Variants in CARMIL1 observed in about 807,000 individuals in gnomAD.
CARMIL1 encodes the protein capping protein regulator and myosin 1 linker 1.
A neutral mutation model predicts 177.1 loss-of-function variants in CARMIL1; 90 were observed. That is an observed-to-expected ratio of 0.51 (90% CI 0.43 to 0.61). The LOEUF (loss-of-function observed/expected upper bound fraction) is 0.61, where lower values mean the gene tolerates loss of function less well. CARMIL1 is among the 20% of genes least tolerant of loss of function. CARMIL1 has a pLI of 0.00. For synonymous variants in CARMIL1, 577 were observed against 606.2 expected, an observed-to-expected ratio of 0.95 and a Z score of 0.71; for missense variants, 1,380 against 1,667.0, an observed-to-expected ratio of 0.83 and a Z score of 3.00.
At chr6:25,594,329 C>G in intron 31 of CARMIL1, 86 bp from the exon 32 acceptor site, 1 of 818,822 alleles carries the variant, frequency 1.2e-6, no homozygotes, top group Non-Finnish European at 2.0e-6. Flanking sequence ...TCCCATAGCC[C>G]TTAATCACAG....
chr6:25,467,119 A>G (rs572975181), intron 9 of CARMIL1, among the ~76,000 whole-genome samples: 4 of 152,238 alleles, frequency 2.6e-5, no homozygotes, highest in African/African-American at 9.6e-5. Flanking sequence ...GAAATGAACA[A>G]ATATGAGAGT....
intron 2 of CARMIL1, among the ~76,000 whole-genome samples, chr6:25,378,762 G>T (rs1369978349): frequency 6.9e-6 from 1 of 143,966 alleles, no homozygotes; most frequent in Non-Finnish European, 1.5e-5. Context: ...TTTTCCATCT[G>T]CCTCGTAGTA....
At chr6:25,418,229 G>T (rs1034311065) in intron 2 of CARMIL1, among the ~76,000 whole-genome samples, 6 of 152,162 alleles carry the variant, frequency 3.9e-5, no homozygotes, top group Non-Finnish European at 7.3e-5. Context: ...GAAACACCTT[G>T]TGCAAACAGA....
At position 25,388,453 on chromosome 6, in the gene CARMIL1, G is replaced by A. The variant is rs749095133; in HGVS notation, c.139-31661G>A. Among the ~76,000 whole-genome samples, 66 of 151,966 alleles carry A rather than the reference G, an allele frequency of 4.3e-4. No individual in the cohort carries two copies. In the Middle Eastern group the frequency reaches 0.017, roughly 39 times the overall value. On this transcript the variant is annotated intron_variant, in intron 2 of 36. Transcript: ENST00000329474. The stretch of plus-strand genomic sequence containing the variant: ...GCGATCTCAGCTCACTGCAACCTCC[G>A]CCTCCCGGGTTCAAGCAATTCTGCC...
At chr6:25,505,304 G>C (rs1486345836) in intron 17 of CARMIL1, among the ~76,000 whole-genome samples, 1 of 152,166 alleles carries the variant, frequency 6.6e-6, no homozygotes, top group Non-Finnish European at 1.5e-5. Flanking sequence ...TGTCAGTACA[G>C]ATGTTCAGAG....
intron 5 of CARMIL1, among the ~76,000 whole-genome samples, chr6:25,442,609 A>G (rs944736399): frequency 6.9e-4 from 105 of 152,056 alleles, no homozygotes; most frequent in African/African-American, 2.2e-3. Context: ...TTCTGTGCAC[A>G]GTGTTAGCAT....
chr6:25,482,335 C>T lies in CARMIL1; in HGVS notation c.953C>T (p.Ser318Leu). 1 of 1,537,102 alleles carries T rather than the reference C, an allele frequency of 6.5e-7. No individual in the cohort carries two copies. The highest frequency in any genetic ancestry group is 1.2e-5 in the South Asian group (1 of 85,738). ...TTAAATTTATCTAAAACCTCATTAT[C>T]ACCTAAAGGTACAGTATTTCTTATT... ...KHLNLSKTSL[S>L]PKGVNSLSQS... Residue 318 changes from serine (S) to leucine (L), a missense_variant, in exon 12 of 37, where the codon TCA becomes TTA. By Grantham distance (145) the Ser-to-Leu change is moderately radical (BLOSUM62 -2). Transcript: ENST00000329474.
intron 2 of CARMIL1, among the ~76,000 whole-genome samples, chr6:25,374,567 A>T (rs1790793523): frequency 6.6e-6 from 1 of 152,086 alleles, no homozygotes; most frequent in African/African-American, 2.4e-5. Flanking sequence ...TTTAAGGTTG[A>T]TGTTTCTTAG....
intron 17 of CARMIL1, among the ~76,000 whole-genome samples, chr6:25,504,503 T>C (rs888761755): frequency 2.6e-5 from 4 of 152,208 alleles, no homozygotes; most frequent in African/African-American, 4.8e-5. Flanking sequence ...ATTTAGAACT[T>C]ATGGAGTTGC....
In CARMIL1 at chr6:25,465,942, A is replaced by T; in HGVS notation, c.684A>T (p.Leu228=). Residue 228 remains leucine (L), a synonymous_variant, in exon 9 of 37, where the codon CTA becomes CTT. Coordinates refer to ENST00000329474, the MANE Select transcript of CARMIL1 (RefSeq NM_017640.6). ...QWFTKLSSKD[L]KLSTDVCEQI... is the part of the protein sequence containing the mutation. ...TCACAAAACTGTCCTCTAAGGATCT[A>T]AAACTGGTAAGTAATCAAACATGCA... is the stretch of plus-strand genomic sequence containing the variant. 3 of 1,603,756 alleles carry T rather than the reference A, an allele frequency of 1.9e-6. No homozygotes were observed. Among genetic ancestry groups the T allele is most frequent in the Non-Finnish European group, 2.6e-6 (3 of 1,170,798 alleles).
intron 11 of CARMIL1, among the ~76,000 whole-genome samples, chr6:25,478,186 G>A (rs1157911314): frequency 1.3e-5 from 2 of 151,988 alleles, no homozygotes; most frequent in Non-Finnish European, 1.5e-5. Context: ...CAGCTATTTG[G>A]TGGTGGCTCT....
chr6:25,313,306 G>A (rs1017141443), intron 2 of CARMIL1, among the ~76,000 whole-genome samples: 24 of 152,266 alleles, frequency 1.6e-4, no homozygotes, highest in Middle Eastern at 3.4e-3. Flanking sequence ...TCTTGACAGC[G>A]CCTGCAGCCT....
At position 25,476,725 on chromosome 6, in the gene CARMIL1, A is replaced by C. The variant is rs555670612; in HGVS notation, c.874+4204A>C. On this transcript the variant is annotated intron_variant, in intron 11 of 36. Transcript: ENST00000329474. ...TTAAAACTAATAAAAAGGGTGAATGAGAGGTCTATAATTAAGTTATACAGG... is the reference window on the plus strand; with the variant it reads ...TTAAAACTAATAAAAAGGGTGAATGCGAGGTCTATAATTAAGTTATACAGG... Among the ~76,000 whole-genome samples the C allele has an allele frequency of 5.3e-5, 8 of 152,296 alleles. No homozygotes were observed. In the South Asian group the frequency reaches 1.7e-3, roughly 32 times the overall value.
intron 8 of CARMIL1, among the ~76,000 whole-genome samples, chr6:25,462,537 C>T (rs369503369): frequency 6.6e-5 from 10 of 152,108 alleles, no homozygotes; most frequent in Non-Finnish European, 1.5e-4. Flanking sequence ...TGCATGATGG[C>T]GGCATTTGTT....
intron 12 of CARMIL1, among the ~76,000 whole-genome samples, chr6:25,484,151 C>T (rs1005968952): frequency 7.2e-5 from 11 of 152,290 alleles, no homozygotes; most frequent in African/African-American, 2.6e-4. Flanking sequence ...TGTTCCTTAG[C>T]CCTGTGTAAA....
At chr6:25,560,297 AAG>A (rs1253080297) in intron 29 of CARMIL1, among the ~76,000 whole-genome samples, 16 of 152,200 alleles carry the variant, frequency 1.1e-4, no homozygotes, top group African/African-American at 3.6e-4. Flanking sequence ...AGAAGAAACT[AAG>A]AGGTAATCTA....
intron 15 of CARMIL1, among the ~76,000 whole-genome samples, chr6:25,493,164 A>G (rs190958918): frequency 6.6e-6 from 1 of 152,362 alleles, no homozygotes; most frequent in Admixed American, 6.5e-5. Flanking sequence ...AGCACTTTTG[A>G]GTTCAAAATA....
intron 2 of CARMIL1, among the ~76,000 whole-genome samples, chr6:25,290,249 C>G (rs1241254233): frequency 1.3e-5 from 2 of 152,146 alleles, no homozygotes; most frequent in African/African-American, 4.8e-5. Context: ...GCGTGTGCCA[C>G]CACACCCGGC....
chr6:25,418,206 A>G (rs1389623673), intron 2 of CARMIL1, among the ~76,000 whole-genome samples: 1 of 152,174 alleles, frequency 6.6e-6, no homozygotes, highest in East Asian at 1.9e-4. Context: ...CAGGATTCTC[A>G]GCCCTGAAAC....
Sources: gnomAD v4.1 joint callset for allele counts (sites outside exome capture counted in the v4.1 genomes callset) on GRCh38, gnomAD v4.1.1 for gene constraint, MANE v1.5 for transcripts, NCBI Gene and HGNC (gene_info 2026-07-23, HGNC 2026-07-21) for gene names.